Variants in ASB18 observed in about 807,000 individuals in gnomAD.
ASB18 encodes ankyrin repeat and SOCS box containing 18, also known as ankyrin repeat and SOCS box protein 18.
Under a neutral mutation model 33.4 loss-of-function variants are expected in ASB18, and 33 were observed. That is an observed-to-expected ratio of 0.99 (90% CI 0.75 to 1.32). ASB18 has a LOEUF of 1.32. ASB18 is among the 40% of genes most tolerant of loss of function. ASB18 has a pLI of 0.00. For synonymous variants in ASB18, 295 were observed against 307.6 expected, an observed-to-expected ratio of 0.96 and a Z score of 0.43; for missense variants, 694 against 655.5, an observed-to-expected ratio of 1.06 and a Z score of -0.64.
chr2:236,224,257 T>C (rs1047742351), intron 3 of ASB18, among the ~76,000 whole-genome samples: 1 of 150,058 alleles, frequency 6.7e-6, no homozygotes, highest in African/African-American at 2.5e-5. Context: ...TTATTTGTGG[T>C]CTCATTTGCA....
Position 236,257,808 on chromosome 2 carries a change from C to T in ASB18, c.205+6333G>A, listed in dbSNP as rs991484666. Among the ~76,000 whole-genome samples, 7 of 152,126 alleles carry T rather than the reference C, an allele frequency of 4.6e-5. No individual in the cohort carries two copies. The highest frequency in any genetic ancestry group is 9.7e-5 in the African/African-American group (4 of 41,426). On this transcript the variant is annotated intron_variant, in intron 1 of 5. Transcript: ENST00000409749. The surrounding 1 kb of genome is among the most constrained non-coding windows in gnomAD (Gnocchi z 5.5). ...GATGAACTACAGGTGCCGTGGAGCA[C>T]GGGAAAGGGCACTGGGTTTACAGTG...
In ASB18 at chr2:236,221,956, G is replaced by T. The variant is rs1321778848; in HGVS notation, c.597-7090C>A. 6.6e-6 allele frequency among the ~76,000 whole-genome samples: 1 copy of T among 152,266 alleles called. No individual in the cohort carries two copies. Among genetic ancestry groups the T allele is most frequent in the Non-Finnish European group, 1.5e-5 (1 of 68,048 alleles). ...GGCTGCAGCTGAAGGCTGGGTCCCA[G>T]GGTGGGTGCTGGGCATGTGCCAGCC... On this transcript the variant is annotated intron_variant, in intron 3 of 5. Transcript: ENST00000409749. The surrounding 1 kb of genome is among the most constrained non-coding windows in gnomAD (Gnocchi z 5.6).
At position 236,234,024 on chromosome 2, in the gene ASB18, G is replaced by C. The variant is rs2060578259; in HGVS notation, c.596+3665C>G. 6.6e-6 allele frequency among the ~76,000 whole-genome samples: 1 copy of C among 152,210 alleles called. No homozygotes were observed. Among genetic ancestry groups the C allele is most frequent in the African/African-American group, 2.4e-5 (1 of 41,440 alleles). On this transcript the variant is annotated intron_variant, in intron 3 of 5. Transcript: ENST00000409749. This position sits in a 1 kb window ranked among gnomAD's most constrained non-coding sequence, Gnocchi z 4.1. ...TTATAAAGTTACAATATTCAAGACA[G>C]TATGGTATTGGTGTTAAAACAGGCA...
At chr2:236,230,727 A>G (rs1007769667) in intron 3 of ASB18, among the ~76,000 whole-genome samples, 56 of 151,658 alleles carry the variant, frequency 3.7e-4, no homozygotes, top group African/African-American at 1.2e-3. Context: ...ACAAAAAGTT[A>G]TATCTAGTAA....
In ASB18 at chr2:236,245,410, GCACCTTCCC is replaced by G. The variant is rs2060640380; in HGVS notation, c.206-4017_206-4009del. On this transcript the variant is annotated intron_variant, in intron 1 of 5. Transcript: ENST00000409749. This position sits in a 1 kb window ranked among gnomAD's most constrained non-coding sequence, Gnocchi z 4.7. ...GAATCCTGACATAGCCAGTGCCCAA[GCACCTTCCC>G]GTGAGTAAAAGGGCTTCCTACCTTG... 1.3e-5 allele frequency among the ~76,000 whole-genome samples: 2 copies of G among 152,224 alleles called. No homozygotes were observed. Among genetic ancestry groups the G allele is most frequent in the South Asian group, 4.1e-4 (2 of 4,832 alleles).
At position 236,222,255 on chromosome 2, in the gene ASB18, G is replaced by C. The variant is rs989468376; in HGVS notation, c.597-7389C>G. On this transcript the variant is annotated intron_variant, in intron 3 of 5. Coordinates refer to ENST00000409749, the MANE Select transcript of ASB18 (RefSeq NM_212556.4). This position sits in a 1 kb window ranked among gnomAD's most constrained non-coding sequence, Gnocchi z 5.5. ...TCTCTCCCGGGATGCTAAGCTATGA[G>C]ACTATCAGACATAAATGTTTACAAT... 6.6e-6 allele frequency among the ~76,000 whole-genome samples: 1 copy of C among 152,130 alleles called. No homozygotes were observed. Among genetic ancestry groups the C allele is most frequent in the Non-Finnish European group, 1.5e-5 (1 of 68,032 alleles).
intron 3 of ASB18, among the ~76,000 whole-genome samples, chr2:236,224,017 T>C (rs2060525303): frequency 6.6e-6 from 1 of 152,136 alleles, no homozygotes; most frequent in African/African-American, 2.4e-5. Context: ...TGGGGACATA[T>C]GTTCCCATTT....
At position 236,253,141 on chromosome 2, in the gene ASB18, C is replaced by A. The variant is rs182804466; in HGVS notation, c.205+11000G>T. Among the ~76,000 whole-genome samples the A allele has an allele frequency of 1.2e-3, 177 of 152,324 alleles. 1 individual carries two copies. The highest frequency in any genetic ancestry group is 4.2e-3 in the African/African-American group (173 of 41,584). ...AACTCCAGTCAGCACCCAACGCTGA[C>A]CCCTGAGCTCACGAGCCACTGGGAG... On this transcript the variant is annotated intron_variant, in intron 1 of 5. Coordinates refer to ENST00000409749, the MANE Select transcript of ASB18 (RefSeq NM_212556.4). This position sits in a 1 kb window ranked among gnomAD's most constrained non-coding sequence, Gnocchi z 5.4.
intron 1 of ASB18, chr2:236,247,353 T>C (rs60569864): frequency 1.3e-5 from 2 of 151,960 alleles, no homozygotes; most frequent in Admixed American, 1.3e-4. Flanking sequence ...ATCTTTATTA[T>C]GTTTTAGGGT....
intron 1 of ASB18, among the ~76,000 whole-genome samples, chr2:236,246,782 T>C (rs2060646723): frequency 6.9e-6 from 1 of 144,190 alleles, no homozygotes; most frequent in Non-Finnish European, 1.5e-5. Flanking sequence ...CCCACCAATA[T>C]GAAGCTCTTT....
rs2060516796 is a variant in ASB18 at position 236,222,341 on chromosome 2, CTGGT to C, written c.597-7479_597-7476del. 6.6e-6 allele frequency among the ~76,000 whole-genome samples: 1 copy of C among 152,298 alleles called. No individual in the cohort carries two copies. The highest frequency in any genetic ancestry group is 2.4e-5 in the African/African-American group (1 of 41,566). On this transcript the variant is annotated intron_variant, in intron 3 of 5. Coordinates refer to ENST00000409749, the MANE Select transcript of ASB18 (RefSeq NM_212556.4). This position sits in a 1 kb window ranked among gnomAD's most constrained non-coding sequence, Gnocchi z 5.5. Reference sequence around the variant, plus strand: ...GTAGGAGGGCGACTGAGAAGAGAAACTGGTTGGCCATTTCTATCATCACGGTTTC... The same window carrying C: ...GTAGGAGGGCGACTGAGAAGAGAAACTGGCCATTTCTATCATCACGGTTTC...
rs528979425 is a variant in ASB18 at position 236,239,902 on chromosome 2, C to T, written c.328+1378G>A. Reference sequence around the variant, plus strand: ...AATCCAGGCAGCCTGAGCTTGCCTCCCTCTCTTCCCAGCCTGTGTGGAGGC... The same window carrying T: ...AATCCAGGCAGCCTGAGCTTGCCTCTCTCTCTTCCCAGCCTGTGTGGAGGC... On this transcript the variant is annotated intron_variant, in intron 2 of 5. Transcript: ENST00000409749. This position sits in a 1 kb window ranked among gnomAD's most constrained non-coding sequence, Gnocchi z 5.6. Among the ~76,000 whole-genome samples the T allele has an allele frequency of 2.0e-5, 3 of 152,332 alleles. No homozygotes were observed. Among genetic ancestry groups the T allele is most frequent in the Non-Finnish European group, 4.4e-5 (3 of 68,032 alleles).
Position 236,257,550 on chromosome 2 carries a change from G to C in ASB18, c.205+6591C>G, listed in dbSNP as rs1254367436. On this transcript the variant is annotated intron_variant, in intron 1 of 5. Coordinates refer to ENST00000409749, the MANE Select transcript of ASB18 (RefSeq NM_212556.4). The surrounding 1 kb of genome is among the most constrained non-coding windows in gnomAD (Gnocchi z 5.5). ...CACGTGTGCATGACTGTGTGTGTGC[G>C]TGTGTACATATGCATATGTATGCTT... Among the ~76,000 whole-genome samples, 2 of 152,196 alleles carry C rather than the reference G, an allele frequency of 1.3e-5. No individual in the cohort carries two copies. Among genetic ancestry groups the C allele is most frequent in the African/African-American group, 2.4e-5 (1 of 41,456 alleles).
Position 236,264,279 on chromosome 2 carries a change from C to A in ASB18, c.67G>T (p.Ala23Ser), listed in dbSNP as rs373891164. The A allele has an allele frequency of 2.7e-5, 43 of 1,613,900 alleles. No homozygotes were observed. Among genetic ancestry groups the A allele is most frequent in the Admixed American group, 3.3e-5 (2 of 60,000 alleles). ...CTCTCCTCATCTTTGGCATCCAGGG[C>A]AGACTTTAATCTCTTCACTAAATCT... ...NSDLVKRLKS[A>S]LDAKDEERVR... Residue 23 changes from alanine to serine, a missense_variant, in exon 1 of 6, where the codon GCC (alanine) becomes TCC (serine). By Grantham distance (99) the Ala-to-Ser change is moderately conservative. Transcript: ENST00000409749. The surrounding 1 kb of genome is among the most constrained non-coding windows in gnomAD (Gnocchi z 5.1).
At position 236,231,499 on chromosome 2, in the gene ASB18, C is replaced by T. The variant is rs1559333756; in HGVS notation, c.596+6190G>A. Among the ~76,000 whole-genome samples the T allele has an allele frequency of 6.6e-6, 1 of 151,898 alleles. No homozygotes were observed. Among genetic ancestry groups the T allele is most frequent in the Admixed American group, 6.5e-5 (1 of 15,272 alleles). The stretch of plus-strand genomic sequence containing the variant: ...CAACACAATGCCATCTTGGAAGCAA[C>T]ACAATGCCATCTTGGAAGCAGAGAA... On this transcript the variant is annotated intron_variant, in intron 3 of 5. Transcript: ENST00000409749. The surrounding 1 kb of genome is among the most constrained non-coding windows in gnomAD (Gnocchi z 5.5).
rs2034668 is a variant in ASB18, at chr2:236,195,201, C to T, written c.1216-144G>A. ...AGCGCACTGGAGGGAGACGCACCAT[C>T]TTGTGGGAACCACCCTCTACCCCAG... is the stretch of plus-strand genomic sequence containing the variant. On this transcript the variant is annotated intron_variant, in intron 5 of 5. Coordinates refer to ENST00000409749, the MANE Select transcript of ASB18 (RefSeq NM_212556.4). The surrounding 1 kb of genome is among the most constrained non-coding windows in gnomAD (Gnocchi z 5.5). 0.11 allele frequency: 78,278 copies of T among 719,872 alleles called. 5,166 individuals carry two copies. Among genetic ancestry groups the T allele is most frequent in the African/African-American group, 0.18 (10,009 of 55,506 alleles). The allele number at this position is 719,872 out of a possible 1,614,324, so 44.6% of individuals were successfully genotyped here. A position where few individuals can be genotyped will look rare whatever the true frequency, so the allele number is the denominator to read the frequency against.
chr2:236,242,550 G>T (rs570071620), intron 1 of ASB18, among the ~76,000 whole-genome samples: 2 of 152,140 alleles, frequency 1.3e-5, no homozygotes, highest in Non-Finnish European at 2.9e-5. Flanking sequence ...CACCTCCTGG[G>T]TTCAAGTGAT....
In ASB18 at chr2:236,241,047, G is replaced by A. The variant is rs931841950; in HGVS notation, c.328+233C>T. ...TGTAAAGACAAGAGGCACACCCAGC[G>A]TCATCGGATAGGCATTCCCACCAAT... On this transcript the variant is annotated intron_variant, in intron 2 of 5. Transcript: ENST00000409749. This position sits in a 1 kb window ranked among gnomAD's most constrained non-coding sequence, Gnocchi z 4.2. Among the ~76,000 whole-genome samples the A allele has an allele frequency of 9.9e-5, 15 of 152,190 alleles. No individual in the cohort carries two copies. The highest frequency in any genetic ancestry group is 1.9e-4 in the Non-Finnish European group (13 of 68,038).
At chr2:236,242,752 C>T (rs2060626815) in intron 1 of ASB18, among the ~76,000 whole-genome samples, 1 of 150,656 alleles carries the variant, frequency 6.6e-6, no homozygotes. Context: ...AGACATGAGC[C>T]ACTGTGTCTG....
Sources: gnomAD v4.1 joint callset for allele counts (sites outside exome capture counted in the v4.1 genomes callset) on GRCh38, gnomAD v4.1.1 for gene constraint, Gnocchi (gnomAD v3.1) non-coding constraint, MANE v1.5 for transcripts, NCBI Gene and HGNC (gene_info 2026-07-23, HGNC 2026-07-21) for gene names.